DST: variants seen among roughly 807,000 people sequenced by gnomAD.
DST encodes the protein bullous pemphigoid antigen.
In DST, 253 loss-of-function variants were observed where a neutral mutation model predicts 875.2. The observed-to-expected ratio is 0.29, with a 90% CI of 0.26 to 0.32. DST has a LOEUF of 0.32. DST is among the 10% of genes least tolerant of loss of function. DST has a pLI of 1.00. For missense variants in DST, 8,287 were observed against 9,111.6 expected (o/e 0.91, Z 3.68); for synonymous variants, 3,124 against 3,197.1 (o/e 0.98, Z 0.77).
At chr6:56,916,540 C>T (rs1471507427) in intron 2 of DST, among the ~76,000 whole-genome samples, 1 of 151,924 alleles carries the variant, frequency 6.6e-6, no homozygotes, top group African/African-American at 2.4e-5. Context: ...TCGCTTGAGC[C>T]CAGGAGTTCG....
chr6:56,697,674 T>C (rs2099271603), intron 9 of DST, among the ~76,000 whole-genome samples: 1 of 152,168 alleles, frequency 6.6e-6, no homozygotes, highest in Non-Finnish European at 1.5e-5. Context: ...TGCTTTCCAT[T>C]GCCCCAGTGA....
chr6:56,632,818 T>A (rs377697876), intron 28 of DST, 36 bp downstream of exon 28: 5 of 1,585,460 alleles, frequency 3.2e-6, no homozygotes, highest in Non-Finnish European at 4.3e-6. Flanking sequence ...ACTAAACACC[T>A]ATGGGGAAAA....
chr6:56,465,867 T>TAAAAAAAAAAAAAAAA (rs11359681), intron 99 of DST, among the ~76,000 whole-genome samples: 1 of 112,406 alleles, frequency 8.9e-6, no homozygotes. Context: ...CCAGAAAAAG[T>TAAAAAAAAAAAAAAAA]AAAAAAAAAA....
intron 4 of DST, 155 bp downstream of exon 4, chr6:56,851,242 C>T (rs1051519705): frequency 1.4e-6 from 1 of 716,994 alleles, no homozygotes; most frequent in Non-Finnish European, 2.3e-6. Flanking sequence ...ATCGGTAAAA[C>T]AAGGCATAAA....
At chr6:56,498,669 A>G (rs2096004634) in intron 80 of DST, among the ~76,000 whole-genome samples, 1 of 152,202 alleles carries the variant, frequency 6.6e-6, no homozygotes, top group Non-Finnish European at 1.5e-5. Flanking sequence ...TTTCAAATAT[A>G]AAATTATCAT....
chr6:56,466,156 G>A lies in DST; in HGVS notation c.22609C>T (p.Arg7537Trp), dbSNP rs1210435981. 12 of 1,611,950 alleles carry A rather than the reference G, an allele frequency of 7.4e-6. No individual in the cohort carries two copies. Among genetic ancestry groups the A allele is most frequent in the Non-Finnish European group, 9.3e-6 (11 of 1,178,994 alleles). ...SQQLRLVRIL[R>W]STVMVRVGGG... is the part of the protein sequence containing the mutation. ...CCAACACGAACCATCACAGTACTCC[G>A]CAGGATCCGGACCAGTCGCAGTTGC... is the stretch of plus-strand genomic sequence containing the variant. Residue 7537 changes from arginine to tryptophan, a missense_variant, in exon 99 of 104, where the codon CGG becomes TGG. Around this residue, in one of 10 missense-constraint regions of DST, gnomAD observed 87 missense variants for 209.7 expected, o/e 0.41. Transcript: ENST00000680361.
At chr6:56,514,382 A>T (rs558160711) in intron 72 of DST, among the ~76,000 whole-genome samples, 1 of 152,274 alleles carries the variant, frequency 6.6e-6, no homozygotes, top group East Asian at 1.9e-4. Flanking sequence ...AATAAAGTTA[A>T]AGTGTGGTCT....
intron 87 of DST, 55 bp from the exon 88 acceptor site, chr6:56,485,526 T>C: frequency 1.3e-6 from 2 of 1,529,450 alleles, no homozygotes; most frequent in Non-Finnish European, 1.8e-6. Context: ...CACTCATATA[T>C]CTGAACATCT....
At chr6:56,640,105 A>G in intron 18 of DST, 38 bp downstream of exon 18, 1 of 1,613,636 alleles carries the variant, frequency 6.2e-7, no homozygotes. Context: ...GATAACAATA[A>G]AGACTGAAAC....
intron 4 of DST, among the ~76,000 whole-genome samples, chr6:56,755,753 T>C (rs1399201584): frequency 1.3e-5 from 2 of 152,220 alleles, no homozygotes; most frequent in African/African-American, 4.8e-5. Flanking sequence ...TGGCATGAAG[T>C]GTTTATCAGC....
chr6:56,829,059 T>C (rs1235826533), intron 4 of DST, among the ~76,000 whole-genome samples: 1 of 152,046 alleles, frequency 6.6e-6, no homozygotes, highest in Non-Finnish European at 1.5e-5. Flanking sequence ...CAACCAGAAA[T>C]AGCTTGTTCA....
At chr6:56,807,976 T>C (rs2099755147) in intron 4 of DST, among the ~76,000 whole-genome samples, 1 of 152,202 alleles carries the variant, frequency 6.6e-6, no homozygotes, top group Admixed American at 6.5e-5. Flanking sequence ...GATTTTCTGA[T>C]AGAAAAAAAT....
Position 56,468,991 on chromosome 6 carries a change from C to T in DST, c.22560G>A (p.Leu7520=). The change falls in exon 98 of 104, where the codon CTG becomes CTA. Residue 7520 remains leucine (L), a synonymous_variant. Coordinates refer to ENST00000680361, the MANE Select transcript of DST (RefSeq NM_001374736.1). Reference sequence around the variant, plus strand: ...TTCCACTGGTTTATACCTGATTTCCCAGGAAGAACTGATAAAAATGAAAAA... The same window carrying T: ...TTCCACTGGTTTATACCTGATTTCCTAGGAAGAACTGATAAAAATGAAAAA... ...QIGDNKYRFF[L]GNQFGDSQQL... 6.3e-7 allele frequency: 1 copy of T among 1,578,786 alleles called. No homozygotes were observed. The highest frequency in any genetic ancestry group is 8.6e-7 in the Non-Finnish European group (1 of 1,160,664).
At chr6:56,579,659 G>A (rs1296459833) in intron 49 of DST, among the ~76,000 whole-genome samples, 1 of 152,084 alleles carries the variant, frequency 6.6e-6, no homozygotes, top group Non-Finnish European at 1.5e-5. Context: ...ACTCCCTGCA[G>A]AACAAACAGA....
Position 56,604,263 on chromosome 6 carries a change from G to A in DST, c.10365C>T (p.Ser3455=). ...LLNILKQDQH[S]QKITGVFELM... ...ATTCAAATACTCCTGTAATTTTTTGGCTATGTTGATCTTGCTTCAATATAT... is the reference window on the plus strand; with the variant it reads ...ATTCAAATACTCCTGTAATTTTTTGACTATGTTGATCTTGCTTCAATATAT... Residue 3455 remains serine (S), a synonymous_variant, in exon 40 of 104, where the codon AGC becomes AGT. Coordinates refer to ENST00000680361, the MANE Select transcript of DST (RefSeq NM_001374736.1). 6.2e-7 allele frequency: 1 copy of A among 1,611,240 alleles called. No individual in the cohort carries two copies. The highest frequency in any genetic ancestry group is 8.5e-7 in the Non-Finnish European group (1 of 1,178,588).
At chr6:56,525,756 C>G (rs1345711370) in intron 69 of DST, among the ~76,000 whole-genome samples, 1 of 152,210 alleles carries the variant, frequency 6.6e-6, no homozygotes, top group Non-Finnish European at 1.5e-5. Flanking sequence ...CAGGACCCCA[C>G]TCATTGCCCA....
intron 100 of DST, 123 bp from the exon 101 acceptor site, chr6:56,463,887 T>G (rs1235025674): frequency 9.6e-7 from 1 of 1,040,138 alleles, no homozygotes; most frequent in African/African-American, 1.6e-5. Flanking sequence ...AAGAACATCT[T>G]TTTGCCATGC....
At chr6:56,656,311 T>G (rs2099008238) in intron 10 of DST, among the ~76,000 whole-genome samples, 1 of 152,186 alleles carries the variant, frequency 6.6e-6, no homozygotes, top group African/African-American at 2.4e-5. Context: ...AGCGGTGAAG[T>G]ATAAAAGTTT....
chr6:56,481,723 C>T (rs189258264), intron 90 of DST, among the ~76,000 whole-genome samples: 1 of 152,186 alleles, frequency 6.6e-6, no homozygotes, highest in East Asian at 1.9e-4. Flanking sequence ...TTTTGAAATC[C>T]ACATGATAAC....
Sources: allele counts gnomAD v4.1 joint callset (sites outside exome capture counted in the v4.1 genomes callset), GRCh38; gene constraint gnomAD v4.1.1; regional missense constraint gnomAD v4.1.1; transcripts MANE v1.5; gene names NCBI Gene and HGNC (gene_info 2026-07-23, HGNC 2026-07-21).